PNPT1: variants seen among roughly 807,000 people sequenced by gnomAD.
PNPT1 encodes the protein polyribonucleotide nucleotidyltransferase 1.
In PNPT1, 53 loss-of-function variants were observed where a neutral mutation model predicts 119.5. The observed-to-expected ratio is 0.44, with a 90% CI of 0.36 to 0.56. The LOEUF (loss-of-function observed/expected upper bound fraction) is 0.56. PNPT1 is among the 20% of genes least tolerant of loss of function. The pLI, the probability that PNPT1 is intolerant of heterozygous loss-of-function variation, is 0.00. For synonymous variants in PNPT1, 357 were observed against 322.1 expected (o/e 1.11, Z -1.16); for missense variants, 948 against 938.5 (o/e 1.01, Z -0.13).
chr2:55,688,068 G>C (rs1697470571), intron 1 of PNPT1, among the ~76,000 whole-genome samples: 1 of 150,276 alleles, frequency 6.7e-6, no homozygotes, highest in Non-Finnish European at 1.5e-5. Context: ...TTTTGAGACA[G>C]GGTCTTGCTC....
intron 5 of PNPT1, among the ~76,000 whole-genome samples, chr2:55,682,363 G>A (rs1043926285): frequency 3.3e-5 from 5 of 151,450 alleles, no homozygotes; most frequent in African/African-American, 4.9e-5. Context: ...AGGAGGCTGA[G>A]GCAGGGAGAA....
intron 5 of PNPT1, among the ~76,000 whole-genome samples, chr2:55,683,122 T>C (rs1411346471): frequency 6.6e-6 from 1 of 152,192 alleles, no homozygotes; most frequent in Non-Finnish European, 1.5e-5. Context: ...TAATAAAAAT[T>C]AGTTACGTTA....
In PNPT1 at chr2:55,680,955, T is replaced by A. The variant is rs777159102; in HGVS notation, c.454-37A>T. 4.5e-5 allele frequency: 70 copies of A among 1,543,764 alleles called. No homozygotes were observed. The East Asian group carries it at 1.5e-3, about 33-fold the overall frequency. On this transcript the variant is annotated intron_variant, in intron 5 of 27. Transcript: ENST00000447944. The stretch of plus-strand genomic sequence containing the variant: ...GAAAAAATTTGATTTGGAAGGGTTA[T>A]CATTTAGGTTAACATCCTGACCTAA...
At chr2:55,648,499 G>A (rs1040447657) in intron 18 of PNPT1, among the ~76,000 whole-genome samples, 17 of 152,098 alleles carry the variant, frequency 1.1e-4, no homozygotes, top group Middle Eastern at 3.4e-3. Context: ...ATTAATTCTT[G>A]TCAAATCTTT....
At chr2:55,686,911 C>T (rs1022664371) in intron 2 of PNPT1, among the ~76,000 whole-genome samples, 3 of 152,042 alleles carry the variant, frequency 2.0e-5, no homozygotes, top group Non-Finnish European at 2.9e-5. Context: ...AGGTGGATCA[C>T]GAGGTCAAGA....
rs1695709315 is a variant in PNPT1, at chr2:55,637,429, G to C, written c.2196+123C>G. 4.9e-6 allele frequency: 4 copies of C among 814,600 alleles called. No homozygotes were observed. In the South Asian group the frequency reaches 6.3e-5, roughly 13 times the overall value. 50.5% of individuals were successfully genotyped at this position (814,600 alleles called of 1,614,324 possible). ...TTCAAGCAATTCTAAGATTAAAAAT[G>C]AAGTACTGCATACAAATAAAAAACT... On this transcript the variant is annotated intron_variant, in intron 27 of 27. Transcript: ENST00000447944.
At chr2:55,693,043 C>A (rs1367647898) in intron 1 of PNPT1, among the ~76,000 whole-genome samples, 4 of 152,196 alleles carry the variant, frequency 2.6e-5, no homozygotes, top group Admixed American at 2.6e-4. Context: ...GTTCCCATCT[C>A]TGTGCGTGTG....
intron 15 of PNPT1, among the ~76,000 whole-genome samples, chr2:55,657,818 A>G (rs1426650696): frequency 2.9e-5 from 4 of 137,312 alleles, no homozygotes; most frequent in Non-Finnish European, 6.2e-5. Flanking sequence ...GTGGGAGACT[A>G]TAAGTCAAAT....
intron 13 of PNPT1, among the ~76,000 whole-genome samples, chr2:55,664,422 C>T (rs532412137): frequency 2.6e-5 from 4 of 151,960 alleles, no homozygotes; most frequent in Non-Finnish European, 4.4e-5. Context: ...GGCAATATGG[C>T]GAAACCCTGA....
At chr2:55,645,992 T>A (rs1695989585) in intron 21 of PNPT1, among the ~76,000 whole-genome samples, 1 of 152,010 alleles carries the variant, frequency 6.6e-6, no homozygotes, top group Admixed American at 6.6e-5. Flanking sequence ...CATGCCCGGC[T>A]AATTTTTGTA....
intron 18 of PNPT1, 68 bp from the exon 19 acceptor site, chr2:55,647,521 A>AT: frequency 4.0e-6 from 5 of 1,254,338 alleles, no homozygotes; most frequent in South Asian, 1.5e-5. Context: ...TTTATCTATC[A>AT]ATTTTTTTTT....
intron 5 of PNPT1, 33 bp downstream of exon 5, chr2:55,683,752 T>C: frequency 6.4e-7 from 1 of 1,572,012 alleles, no homozygotes; most frequent in Non-Finnish European, 8.7e-7. Flanking sequence ...TTTTGATTGA[T>C]CTGGCAACTA....
intron 18 of PNPT1, among the ~76,000 whole-genome samples, chr2:55,651,803 A>T (rs1010922613): frequency 7.0e-6 from 1 of 142,298 alleles, no homozygotes; most frequent in Non-Finnish European, 1.6e-5. Context: ...AAAAAAAAAA[A>T]TCCTATTTCT....
intron 8 of PNPT1, among the ~76,000 whole-genome samples, chr2:55,678,478 T>C (rs535031986): frequency 6.6e-6 from 1 of 152,190 alleles, no homozygotes; most frequent in South Asian, 2.1e-4. Flanking sequence ...CTGGGAAAGG[T>C]GCTTAAAACG....
At position 55,685,026 on chromosome 2, in the gene PNPT1, G is replaced by A. The variant is rs1324573848; in HGVS notation, c.320C>T (p.Ala107Val). The A allele has an allele frequency of 1.3e-6, 2 of 1,591,538 alleles. No individual in the cohort carries two copies. The highest frequency in any genetic ancestry group is 1.7e-6 in the Non-Finnish European group (2 of 1,165,006). Residue 107 changes from alanine (A) to valine (V), a missense_variant, in exon 4 of 28, where the codon GCT becomes GTT. Coordinates refer to ENST00000447944, the MANE Select transcript of PNPT1 (RefSeq NM_033109.5). ...PLVVDYRQKA[A>V]AAGRIPTNYL... Reference sequence around the variant, plus strand: ...GTTTGTGGGAATTCTACCTGCTGCAGCAGCTTTTTGTCTGTAGTCAACCTG... The same window carrying A: ...GTTTGTGGGAATTCTACCTGCTGCAACAGCTTTTTGTCTGTAGTCAACCTG...
rs1317538597 is a variant in PNPT1, at chr2:55,648,572, T to C, written c.1496-1119A>G. Among the ~76,000 whole-genome samples the C allele has an allele frequency of 2.6e-5, 4 of 152,348 alleles. No individual in the cohort carries two copies. The South Asian group carries it at 8.3e-4, about 32-fold the overall frequency. On this transcript the variant is annotated intron_variant, in intron 18 of 27. Transcript: ENST00000447944. ...TTAAATCTGACTTGTTTTTTATGAC[T>C]GAGGTTGAAAACTATTTCATGTTCA... is the stretch of plus-strand genomic sequence containing the variant.
chr2:55,685,155 G>C (rs1697362639), intron 3 of PNPT1, 107 bp from the exon 4 acceptor site: 1 of 699,572 alleles, frequency 1.4e-6, no homozygotes, highest in Non-Finnish European at 2.1e-6. Context: ...TCTAGACTCA[G>C]AGTAGAAAAT....
chr2:55,650,636 G>A (rs1226323428), intron 18 of PNPT1, among the ~76,000 whole-genome samples: 1 of 150,692 alleles, frequency 6.6e-6, no homozygotes, highest in Non-Finnish European at 1.5e-5. Context: ...GTCTCTGCCC[G>A]GCCGCCCATC....
intron 13 of PNPT1, among the ~76,000 whole-genome samples, chr2:55,666,454 A>G (rs1214689519): frequency 6.6e-6 from 1 of 152,186 alleles, no homozygotes; most frequent in East Asian, 1.9e-4. Context: ...TCTCAGTTGC[A>G]TACTTGTGAA....
Sources: gnomAD v4.1 joint callset for allele counts (sites outside exome capture counted in the v4.1 genomes callset) on GRCh38, gnomAD v4.1.1 for gene constraint, MANE v1.5 for transcripts, NCBI Gene and HGNC (gene_info 2026-07-23, HGNC 2026-07-21) for gene names.